The following DYRK1A variants were observed in gnomAD, a reference collection of about 807,000 sequenced individuals.
DYRK1A encodes dual specificity tyrosine-phosphorylation-regulated kinase 1A.
A neutral mutation model predicts 79.7 loss-of-function variants in DYRK1A; 9 were observed. That is an observed-to-expected ratio of 0.11 (90% CI 0.07 to 0.20). The LOEUF is 0.20. Among genes scored for constraint, DYRK1A ranks in the 10% least tolerant of loss-of-function variants. DYRK1A has a pLI of 1.00. For synonymous variants in DYRK1A, 349 were observed against 329.7 expected (o/e 1.06, Z -0.63); for missense variants, 622 against 956.0 (o/e 0.65, Z 4.61).
chr21:37,407,566 G>A (rs931146136), intron 1 of DYRK1A, among the ~76,000 whole-genome samples: 2 of 152,092 alleles, frequency 1.3e-5, no homozygotes, highest in Non-Finnish European at 2.9e-5. Context: ...TCATAAGTAA[G>A]GCATATAACC....
chr21:37,428,547 T>G (rs927235657), intron 2 of DYRK1A, among the ~76,000 whole-genome samples: 27 of 152,234 alleles, frequency 1.8e-4, no homozygotes, highest in African/African-American at 6.0e-4. Context: ...GGAACATGTG[T>G]TCTTAAACAA....
chr21:37,410,347 A>C (rs2050220781), intron 1 of DYRK1A, among the ~76,000 whole-genome samples: 1 of 152,198 alleles, frequency 6.6e-6, no homozygotes, highest in Admixed American at 6.5e-5. Flanking sequence ...TGTGAACTTA[A>C]GTTGGTATAG....
intron 2 of DYRK1A, chr21:37,464,284 T>A (rs764802971): frequency 2.0e-6 from 1 of 500,474 alleles, no homozygotes; most frequent in Non-Finnish European, 4.0e-6. Context: ...TGCTGATCCA[T>A]ACTGGTAATA....
At chr21:37,400,408 A>G (rs1028566416) in intron 1 of DYRK1A, among the ~76,000 whole-genome samples, 2 of 152,138 alleles carry the variant, frequency 1.3e-5, no homozygotes, top group African/African-American at 4.8e-5. Context: ...AGCTTATCAC[A>G]CTCCTATAAA....
intron 1 of DYRK1A, among the ~76,000 whole-genome samples, chr21:37,398,584 T>C (rs1160615586): frequency 1.3e-5 from 2 of 152,214 alleles, no homozygotes; most frequent in Non-Finnish European, 2.9e-5. Context: ...ATAGATACTT[T>C]TGTTTTTACA....
chr21:37,375,519 C>CTTTTTTT lies in DYRK1A; in HGVS notation c.-77+7908_-77+7914dup, dbSNP rs58948987. Reference sequence around the variant, plus strand: ...TTAGAATATTCCTAGAGGAATATTACTTTTTTTTTTTTTTTTTTTTTTTGA... The same window carrying CTTTTTTT: ...TTAGAATATTCCTAGAGGAATATTACTTTTTTTTTTTTTTTTTTTTTTTTTTTTTTGA... On this transcript the variant is annotated intron_variant, in intron 1 of 11. Coordinates refer to ENST00000647188, the MANE Select transcript of DYRK1A (RefSeq NM_001347721.2). Among the ~76,000 whole-genome samples, 105 of 81,428 alleles carry CTTTTTTT rather than the reference C, an allele frequency of 1.3e-3. 2 individuals carry two copies. Among genetic ancestry groups the CTTTTTTT allele is most frequent in the African/African-American group, 1.9e-3 (42 of 21,998 alleles). 53.4% of individuals were successfully genotyped at this position (81,428 alleles called of 152,430 possible).
chr21:37,462,257 C>T lies in DYRK1A; in HGVS notation c.11-10427C>T, dbSNP rs73400108. ...GCTATGGGGATGAGGAATGCTGGCC[C>T]GTGAGTGTTTGGATTTTGTTGTTCT... is the stretch of plus-strand genomic sequence containing the variant. On this transcript the variant is annotated intron_variant, in intron 2 of 11. Transcript: ENST00000647188. Among the ~76,000 whole-genome samples, 1,448 of 152,174 alleles carry T rather than the reference C, an allele frequency of 9.5e-3. 19 individuals carry two copies. Among genetic ancestry groups the T allele is most frequent in the African/African-American group, 0.033 (1,371 of 41,480 alleles).
chr21:37,472,121 G>A (rs567873883), intron 2 of DYRK1A, among the ~76,000 whole-genome samples: 3 of 152,214 alleles, frequency 2.0e-5, no homozygotes, highest in South Asian at 2.1e-4. Context: ...GAAATCCAAC[G>A]ACCTTGGGTT....
chr21:37,385,497 A>G (rs1260569598), intron 1 of DYRK1A, among the ~76,000 whole-genome samples: 3 of 151,936 alleles, frequency 2.0e-5, no homozygotes, highest in Non-Finnish European at 2.9e-5. Context: ...AAAGCCAGTA[A>G]AAGAGTCACC....
At chr21:37,428,161 T>C (rs535874608) in intron 2 of DYRK1A, among the ~76,000 whole-genome samples, 1 of 152,340 alleles carries the variant, frequency 6.6e-6, no homozygotes, top group African/African-American at 2.4e-5. Flanking sequence ...CTCCTCTTAA[T>C]GATCATGCTT....
rs747540667 is a variant in DYRK1A at position 37,420,379 on chromosome 21, A to T, written c.5A>T (p.His2Leu). Residue 2 changes from histidine (H) to leucine (L), a missense_variant, in exon 2 of 12, where the codon CAT becomes CTT. Coordinates refer to ENST00000647188, the MANE Select transcript of DYRK1A (RefSeq NM_001347721.2). M[H>L]TGGETSACKP... ...TATGAGACTTGAAAGAAGACGATGC[A>T]TACAGGTGACTCAAGTTTTGAAATA... 6.2e-7 allele frequency: 1 copy of T among 1,612,332 alleles called. No homozygotes were observed. The highest frequency in any genetic ancestry group is 1.7e-5 in the Admixed American group (1 of 59,882).
chr21:37,426,889 C>G (rs1475255214), intron 2 of DYRK1A, among the ~76,000 whole-genome samples: 1 of 137,194 alleles, frequency 7.3e-6, no homozygotes, highest in Non-Finnish European at 1.5e-5. Flanking sequence ...CACTGGACTC[C>G]AGCTTGGGCT....
At chr21:37,439,754 T>C (rs1046288609) in intron 2 of DYRK1A, among the ~76,000 whole-genome samples, 54 of 152,222 alleles carry the variant, frequency 3.5e-4, no homozygotes, top group African/African-American at 1.3e-3. Flanking sequence ...CTTTATCAGA[T>C]TGGGAAAGAT....
chr21:37,409,411 G>C (rs539991354), intron 1 of DYRK1A, among the ~76,000 whole-genome samples: 29 of 152,256 alleles, frequency 1.9e-4, no homozygotes, highest in Admixed American at 5.2e-4. Context: ...GCAACGCTAA[G>C]CACTTTTTTG....
At chr21:37,413,044 A>G (rs775399114) in intron 1 of DYRK1A, among the ~76,000 whole-genome samples, 39 of 152,200 alleles carry the variant, frequency 2.6e-4, no homozygotes, top group Non-Finnish European at 5.0e-4. Flanking sequence ...TGAAAGAGAC[A>G]TGGATTATTT....
intron 2 of DYRK1A, among the ~76,000 whole-genome samples, chr21:37,438,074 C>T (rs1242464074): frequency 6.6e-6 from 1 of 152,086 alleles, no homozygotes; most frequent in East Asian, 1.9e-4. Flanking sequence ...TTGTGTTTCT[C>T]TGTGATTAAT....
At chr21:37,387,688 C>T (rs1329136717) in intron 1 of DYRK1A, among the ~76,000 whole-genome samples, 1 of 152,112 alleles carries the variant, frequency 6.6e-6, no homozygotes, top group East Asian at 1.9e-4. Flanking sequence ...TGTTTTTATC[C>T]TTCGTTTTAC....
At chr21:37,376,335 C>T (rs1478448765) in intron 1 of DYRK1A, among the ~76,000 whole-genome samples, 2 of 152,068 alleles carry the variant, frequency 1.3e-5, no homozygotes, top group Non-Finnish European at 2.9e-5. Flanking sequence ...TGGTGAAACC[C>T]CCATCTCTAC....
At position 37,486,574 on chromosome 21, in the gene DYRK1A, G is replaced by A. The variant is rs1163671072; in HGVS notation, c.597G>A (p.Glu199=). ...CACAGATAGAAGTGCGACTTCTTGA[G>A]CTCATGAACAAACATGACACTGAAA... ...NQAQIEVRLL[E]LMNKHDTEMK... is the part of the protein sequence containing the mutation. Residue 199 remains glutamate (E), a synonymous_variant, in exon 6 of 12, where the codon GAG becomes GAA. Coordinates refer to ENST00000647188, the MANE Select transcript of DYRK1A (RefSeq NM_001347721.2). 1 of 1,595,450 alleles carries A rather than the reference G, an allele frequency of 6.3e-7. No individual in the cohort carries two copies. Among genetic ancestry groups the A allele is most frequent in the South Asian group, 1.1e-5 (1 of 87,616 alleles).
Sources: gnomAD v4.1 joint callset for allele counts (sites outside exome capture counted in the v4.1 genomes callset) on GRCh38, gnomAD v4.1.1 for gene constraint, MANE v1.5 for transcripts, NCBI Gene and HGNC (gene_info 2026-07-23, HGNC 2026-07-21) for gene names.